SLIT2: variants seen among roughly 807,000 people sequenced by gnomAD.
SLIT2 encodes slit guidance ligand 2, also known as slit homolog 2 protein.
SLIT2 carries 41 observed loss-of-function variants against 185.7 expected under a neutral mutation model. The observed-to-expected ratio is 0.22, with a 90% confidence interval of 0.17 to 0.29. SLIT2 has a LOEUF of 0.29. Among genes scored for constraint, SLIT2 ranks in the 10% least tolerant of loss-of-function variants. The pLI, the probability that SLIT2 is intolerant of heterozygous loss-of-function variation, is 1.00. For synonymous variants in SLIT2, 693 were observed against 680.2 expected (o/e 1.02, Z -0.29); for missense variants, 1,571 against 1,909.0 (o/e 0.82, Z 3.30).
intron 29 of SLIT2, among the ~76,000 whole-genome samples, chr4:20,575,045 C>T (rs2148925729): frequency 6.6e-6 from 1 of 152,230 alleles, no homozygotes; most frequent in African/African-American, 2.4e-5. Context: ...TTTACAAGTA[C>T]TAAGCAATTG....
rs370480293 is a variant in SLIT2, at chr4:20,579,610, A to G, written c.3089-10034A>G. ...AAAGCTTTGTCATACTCATCCTTCA[A>G]TCATTTGCTAGATCTAGCACAAAAA... On this transcript the variant is annotated intron_variant, in intron 29 of 36. Transcript: ENST00000504154. Among the ~76,000 whole-genome samples the G allele has an allele frequency of 1.8e-4, 27 of 152,072 alleles. 1 individual carries two copies. The East Asian group carries it at 4.8e-3, about 27-fold the overall frequency.
At chr4:20,598,161 A>G (rs1728128859) in intron 32 of SLIT2, 104 bp from the exon 33 acceptor site, 1 of 594,764 alleles carries the variant, frequency 1.7e-6, no homozygotes. Flanking sequence ...TCAGGAAAAC[A>G]TAAACCATAG....
rs75035068 is a variant in SLIT2, at chr4:20,526,426, G to A, written c.1462+1254G>A. ...CAATTAAGTGGAAAGTAATCTGATAGCTATTATTTAACCAGAAAAAGCCAT... is the reference window on the plus strand; with the variant it reads ...CAATTAAGTGGAAAGTAATCTGATAACTATTATTTAACCAGAAAAAGCCAT... On this transcript the variant is annotated intron_variant, in intron 15 of 36. Coordinates refer to ENST00000504154, the MANE Select transcript of SLIT2 (RefSeq NM_004787.4). Among the ~76,000 whole-genome samples the A allele has an allele frequency of 6.0e-3, 912 of 152,104 alleles. 4 individuals are homozygous for A. Among genetic ancestry groups the A allele is most frequent in the Middle Eastern group, 0.01 (3 of 292 alleles).
intron 4 of SLIT2, among the ~76,000 whole-genome samples, chr4:20,324,084 A>G (rs1393821169): frequency 6.6e-6 from 1 of 152,110 alleles, no homozygotes; most frequent in African/African-American, 2.4e-5. Flanking sequence ...GCAAGTCAAG[A>G]GCATAGGGGT....
At chr4:20,600,601 T>C (rs983390724) in intron 33 of SLIT2, among the ~76,000 whole-genome samples, 8 of 151,960 alleles carry the variant, frequency 5.3e-5, no homozygotes, top group African/African-American at 1.9e-4. Context: ...CTTTTTTGTA[T>C]TTTTAGTAAA....
At chr4:20,312,437 G>T (rs1223334231) in intron 4 of SLIT2, among the ~76,000 whole-genome samples, 2 of 151,988 alleles carry the variant, frequency 1.3e-5, no homozygotes, top group African/African-American at 2.4e-5. Flanking sequence ...TTGATAAAGT[G>T]TTATATATTT....
chr4:20,546,418 T>C (rs1350583085), intron 22 of SLIT2, among the ~76,000 whole-genome samples: 1 of 152,086 alleles, frequency 6.6e-6, no homozygotes. Context: ...TATGACAAAC[T>C]AAGGAAGGAA....
At position 20,590,719 on chromosome 4, in the gene SLIT2, C is replaced by T. The variant is rs985631583; in HGVS notation, c.3182+982C>T. 3.3e-5 allele frequency among the ~76,000 whole-genome samples: 5 copies of T among 152,208 alleles called. No individual in the cohort carries two copies. The East Asian group carries it at 9.6e-4, about 29-fold the overall frequency. On this transcript the variant is annotated intron_variant, in intron 30 of 36. Transcript: ENST00000504154. ...AATTACGTGATTTCTTTGCCACCAT[C>T]CTGTAATATTTTAAGGGTCTTTCAA...
intron 12 of SLIT2, among the ~76,000 whole-genome samples, chr4:20,523,181 A>G (rs947954191): frequency 6.6e-6 from 1 of 152,124 alleles, no homozygotes; most frequent in Non-Finnish European, 1.5e-5. Context: ...GAGATCAGTG[A>G]TTGGAGCTCA....
At chr4:20,520,013 GAC>G (rs1382137859) in intron 12 of SLIT2, among the ~76,000 whole-genome samples, 4 of 118,108 alleles carry the variant, frequency 3.4e-5, no homozygotes, top group Non-Finnish European at 6.4e-5. Flanking sequence ...CAGCCCGGGC[GAC>G]AGAGTGAGAC....
intron 11 of SLIT2, among the ~76,000 whole-genome samples, chr4:20,516,980 A>C (rs6825654): frequency 0.39 from 58,945 of 152,012 alleles, 12,248 homozygotes; most frequent in African/African-American, 0.54. Context: ...AAAAATAATT[A>C]CACAATATAA....
At chr4:20,440,224 T>A (rs1729646894) in intron 4 of SLIT2, among the ~76,000 whole-genome samples, 1 of 152,202 alleles carries the variant, frequency 6.6e-6, no homozygotes, top group Non-Finnish European at 1.5e-5. Context: ...AAATTGTTGG[T>A]ACTACACTGT....
intron 4 of SLIT2, among the ~76,000 whole-genome samples, chr4:20,375,447 T>G (rs983416427): frequency 6.6e-6 from 1 of 152,130 alleles, no homozygotes; most frequent in African/African-American, 2.4e-5. Context: ...GAAAATAGTT[T>G]ATACTTAAAA....
At chr4:20,498,754 A>C (rs1410171827) in intron 9 of SLIT2, among the ~76,000 whole-genome samples, 1 of 152,038 alleles carries the variant, frequency 6.6e-6, no homozygotes. Context: ...GATTTCATTC[A>C]TTTTTATGGC....
In SLIT2 at chr4:20,252,596, G is replaced by T. The variant is rs1722129305; in HGVS notation, c.-1220G>T. ...TGGGAGACCGCCGGGGGCCGGCCGT[G>T]GCTCTGCGCCCTCCGGAACCCGGCT... On this transcript the variant is annotated 5_prime_UTR_variant, in exon 1 of 37. Coordinates refer to ENST00000504154, the MANE Select transcript of SLIT2 (RefSeq NM_004787.4). Among the ~76,000 whole-genome samples, 1 of 152,228 alleles carries T rather than the reference G, an allele frequency of 6.6e-6. No homozygotes were observed. Among genetic ancestry groups the T allele is most frequent in the African/African-American group, 2.4e-5 (1 of 41,482 alleles).
In SLIT2 at chr4:20,475,322, T is replaced by G. The variant is rs2148767895; in HGVS notation, c.468-5394T>G. Among the ~76,000 whole-genome samples, 4 of 151,944 alleles carry G rather than the reference T, an allele frequency of 2.6e-5. 1 individual carries two copies. The Middle Eastern group carries it at 0.014, about 517-fold the overall frequency. On this transcript the variant is annotated intron_variant, in intron 5 of 36. Transcript: ENST00000504154. ...TTGAGGATCTGAGGTTTTGGTTTTT[T>G]TTTTTTTTTCCTTTCTTTCATGACT...
chr4:20,596,713 T>C (rs1728009770), intron 32 of SLIT2, 58 bp downstream of exon 32: 3 of 1,530,830 alleles, frequency 2.0e-6, no homozygotes, highest in Non-Finnish European at 2.7e-6. Context: ...CTTCAGAGAA[T>C]AAACATTTGT....
intron 4 of SLIT2, among the ~76,000 whole-genome samples, chr4:20,447,281 G>A (rs1711918129): frequency 6.6e-6 from 1 of 152,186 alleles, no homozygotes; most frequent in South Asian, 2.1e-4. Flanking sequence ...GGATCTGCGA[G>A]GACCAGGGCA....
intron 4 of SLIT2, among the ~76,000 whole-genome samples, chr4:20,455,572 G>A (rs927457140): frequency 6.6e-6 from 1 of 151,996 alleles, no homozygotes; most frequent in African/African-American, 2.4e-5. Flanking sequence ...ACAAAAATGT[G>A]TTATATTTAT....
Sources: gnomAD v4.1 joint callset for allele counts (sites outside exome capture counted in the v4.1 genomes callset) on GRCh38, gnomAD v4.1.1 for gene constraint, MANE v1.5 for transcripts, NCBI Gene and HGNC (gene_info 2026-07-23, HGNC 2026-07-21) for gene names.